OPRM1: variants seen among roughly 807,000 people sequenced by gnomAD.
OPRM1 encodes opioid receptor mu 1, also known as mu-type opioid receptor.
A neutral mutation model predicts 31.8 loss-of-function variants in OPRM1; 27 were observed. The ratio of observed to expected loss-of-function variants is 0.85; its 90% CI spans 0.63 to 1.17. The LOEUF is 1.17. Among genes scored for constraint, OPRM1 ranks in the 50% most tolerant of loss-of-function variants. The pLI is 0.00. For synonymous variants in OPRM1, 196 were observed against 189.9 expected (o/e 1.03, Z -0.26); for missense variants, 536 against 511.1 (o/e 1.05, Z -0.47).
In OPRM1 at chr6:154,063,650, C is replaced by T. The variant is rs139016637; in HGVS notation, c.290+23816C>T. ...TCTATACCCATTAAACAATAATACC[C>T]ATTCGTTCTTTCCTCCTCCCAAACC... On this transcript the variant is annotated intron_variant, in intron 1 of 3. Coordinates refer to ENST00000330432, the MANE Select transcript of OPRM1 (RefSeq NM_000914.5). Among the ~76,000 whole-genome samples the T allele has an allele frequency of 3.3e-4, 50 of 152,080 alleles. No homozygotes were observed. In the East Asian group the frequency reaches 8.3e-3, roughly 25 times the overall value.
At chr6:154,039,154 C>T (rs369491749), upstream of OPRM1, 291 of 1,551,250 alleles carry the variant, frequency 1.9e-4, no homozygotes, top group Non-Finnish European at 2.4e-4. Flanking sequence ...CCATCTCCCT[C>T]CTTTAGATGT....
chr6:154,173,367 TTC>T (rs1800030709), intron 3 of OPRM1, among the ~76,000 whole-genome samples: 2 of 152,074 alleles, frequency 1.3e-5, no homozygotes, highest in Admixed American at 6.6e-5. Context: ...AATAACAAAC[TTC>T]TCTGAGCTAA....
chr6:154,198,916 C>T (rs1322661197), intron 3 of OPRM1, among the ~76,000 whole-genome samples: 1 of 152,130 alleles, frequency 6.6e-6, no homozygotes, highest in Non-Finnish European at 1.5e-5. Flanking sequence ...TCAGTATCTT[C>T]CATCAGGTAA....
intron 3 of OPRM1, among the ~76,000 whole-genome samples, chr6:154,152,020 C>T (rs1798511938): frequency 6.6e-6 from 1 of 151,638 alleles, no homozygotes; most frequent in South Asian, 2.1e-4. Context: ...ACTAAAAATA[C>T]AGAAAAGTTA....
chr6:154,042,530 A>G (rs1780288860), intron 1 of OPRM1, among the ~76,000 whole-genome samples: 1 of 152,184 alleles, frequency 6.6e-6, no homozygotes. Flanking sequence ...TGAGGCTCAG[A>G]TGACTATGGC....
intron 3 of OPRM1, chr6:154,214,125 G>T: frequency 1.2e-6 from 1 of 842,610 alleles, no homozygotes; most frequent in Non-Finnish European, 2.1e-6. Flanking sequence ...CTCAGGATCA[G>T]ACTATACATA....
chr6:154,146,526 T>C (rs746841797), intron 3 of OPRM1, among the ~76,000 whole-genome samples: 3 of 152,246 alleles, frequency 2.0e-5, no homozygotes, highest in Admixed American at 1.3e-4. Flanking sequence ...TGGAGTACTT[T>C]GTGCATAACA....
chr6:154,233,097 T>G (rs962566809), intron 3 of OPRM1, among the ~76,000 whole-genome samples: 1 of 151,966 alleles, frequency 6.6e-6, no homozygotes, highest in African/African-American at 2.4e-5. Context: ...GACCCCCAAG[T>G]AGCTGGGGTT....
intron 3 of OPRM1, among the ~76,000 whole-genome samples, chr6:154,092,439 G>A (rs1337628995): frequency 6.6e-6 from 1 of 152,116 alleles, no homozygotes; most frequent in Admixed American, 6.5e-5. Flanking sequence ...TTTTTTAACA[G>A]TGAATTCAAA....
chr6:154,038,792 GTTTA>G (rs893245021), upstream of OPRM1, among the ~76,000 whole-genome samples: 4 of 152,168 alleles, frequency 2.6e-5, no homozygotes, highest in African/African-American at 4.8e-5. Flanking sequence ...CTGCACAAAA[GTTTA>G]TTTGTTTCTC....
At chr6:154,140,257 A>G (rs945465173) in intron 3 of OPRM1, among the ~76,000 whole-genome samples, 1 of 152,220 alleles carries the variant, frequency 6.6e-6, no homozygotes, top group Non-Finnish European at 1.5e-5. Context: ...TCAAGCTTAC[A>G]TACTTCCCTG....
At chr6:154,180,161 G>T (rs1157251424) in intron 3 of OPRM1, among the ~76,000 whole-genome samples, 1 of 152,054 alleles carries the variant, frequency 6.6e-6, no homozygotes, top group Admixed American at 6.6e-5. Context: ...TTGCTCAAAG[G>T]AGTATGTCCA....
At position 154,130,735 on chromosome 6, in the gene OPRM1, T is replaced by C. The variant is rs898872919; in HGVS notation, c.*12014T>C. On this transcript the variant is annotated 3_prime_UTR_variant, in exon 4 of 4. Transcript: ENST00000330432. ...ATAAAAATATATCTACCAATATAAATAGAATATATAAAGGGAATATATATA... is the reference window on the plus strand; with the variant it reads ...ATAAAAATATATCTACCAATATAAACAGAATATATAAAGGGAATATATATA... Among the ~76,000 whole-genome samples the C allele has an allele frequency of 4.6e-5, 7 of 151,788 alleles. No homozygotes were observed. Among genetic ancestry groups the C allele is most frequent in the African/African-American group, 1.7e-4 (7 of 41,356 alleles).
chr6:154,137,174 C>T (rs1282526685), downstream of OPRM1, among the ~76,000 whole-genome samples: 1 of 152,082 alleles, frequency 6.6e-6, no homozygotes, highest in South Asian at 2.1e-4. Context: ...CATTACACTA[C>T]CTCCTTCAAA....
At position 154,121,818 on chromosome 6, in the gene OPRM1, T is replaced by C. The variant is rs1797314227; in HGVS notation, c.*3097T>C. On this transcript the variant is annotated 3_prime_UTR_variant, in exon 4 of 4. Transcript: ENST00000330432. ...CAAAAAGTCCCCAAAGCATTCAAAA[T>C]CTTTACTTAAGTCAAGTCTATTTAT... Among the ~76,000 whole-genome samples the C allele has an allele frequency of 6.6e-6, 1 of 152,190 alleles. No individual in the cohort carries two copies. The highest frequency in any genetic ancestry group is 2.4e-5 in the African/African-American group (1 of 41,448).
intron 1 of OPRM1, among the ~76,000 whole-genome samples, chr6:154,060,696 C>T (rs1347000206): frequency 3.3e-5 from 5 of 152,076 alleles, no homozygotes; most frequent in African/African-American, 1.2e-4. Flanking sequence ...ATTTCTGCCT[C>T]CCTGGGAGAA....
chr6:154,042,574 C>A (rs1022657574), intron 1 of OPRM1, among the ~76,000 whole-genome samples: 1 of 152,134 alleles, frequency 6.6e-6, no homozygotes, highest in Non-Finnish European at 1.5e-5. Context: ...CTAACATGGA[C>A]GCTGTGATTA....
intron 3 of OPRM1, among the ~76,000 whole-genome samples, chr6:154,116,164 G>A (rs1406023299): frequency 5.3e-5 from 8 of 152,142 alleles, no homozygotes; most frequent in African/African-American, 1.4e-4. Context: ...TGCACTGGTC[G>A]TGCTCTGGGT....
In OPRM1 at chr6:154,048,957, A is replaced by C. The variant is rs192707746; in HGVS notation, c.290+9123A>C. On this transcript the variant is annotated intron_variant, in intron 1 of 3. Coordinates refer to ENST00000330432, the MANE Select transcript of OPRM1 (RefSeq NM_000914.5). ...TGGTCCATAAAGTCATTATGACTAC[A>C]GAATTCGTGAGTACTGAAGCTTTGC... Among the ~76,000 whole-genome samples, 393 of 152,368 alleles carry C rather than the reference A, an allele frequency of 2.6e-3. 7 individuals carry two copies. Among genetic ancestry groups the C allele is most frequent in the Admixed American group, 0.024 (369 of 15,306 alleles).
Sources: allele counts gnomAD v4.1 joint callset (sites outside exome capture counted in the v4.1 genomes callset), GRCh38; gene constraint gnomAD v4.1.1; transcripts MANE v1.5; gene names NCBI Gene and HGNC (gene_info 2026-07-23, HGNC 2026-07-21).